OPCML: variants seen among roughly 807,000 people sequenced by gnomAD.
OPCML encodes opioid-binding protein/cell adhesion molecule.
A neutral mutation model predicts 37.8 loss-of-function variants in OPCML; 13 were observed. The observed-to-expected ratio is 0.34, with a 90% CI of 0.22 to 0.55. The LOEUF is 0.55. OPCML is among the 20% of genes least tolerant of loss of function. The pLI, the probability that OPCML is intolerant of heterozygous loss-of-function variation, is 0.91. For synonymous variants in OPCML, 176 were observed against 168.8 expected (o/e 1.04, Z -0.33); for missense variants, 341 against 435.6 (o/e 0.78, Z 1.93).
At chr11:132,585,507 T>C (rs2096470722) in intron 3 of OPCML, among the ~76,000 whole-genome samples, 1 of 152,194 alleles carries the variant, frequency 6.6e-6, no homozygotes. Flanking sequence ...TTCTCTGGCC[T>C]ATCATGGCCT....
intron 1 of OPCML, chr11:133,422,854 A>T (rs1264622942): frequency 1.1e-6 from 1 of 934,220 alleles, no homozygotes; most frequent in Non-Finnish European, 1.3e-6. Context: ...TAAAATCCTG[A>T]TTCTACACAT....
intron 1 of OPCML, among the ~76,000 whole-genome samples, chr11:133,160,700 G>A (rs4937751): frequency 0.28 from 42,051 of 152,152 alleles, 5,872 homozygotes; most frequent in South Asian, 0.34. Flanking sequence ...TCTGTGGACT[G>A]AGAGCCTGGT....
chr11:132,653,445 C>A lies in OPCML; in HGVS notation c.379+3642G>T, dbSNP rs531065346. ...GCGGGGCTGCCAGGCTGATTTTCCC[C>A]CCAACTAATCCGACCCCACAGCTGA... On this transcript the variant is annotated intron_variant, in intron 3 of 7. Coordinates refer to ENST00000524381, the MANE Select transcript of OPCML (RefSeq NM_001012393.5). Among the ~76,000 whole-genome samples the A allele has an allele frequency of 3.3e-5, 5 of 152,214 alleles. No individual in the cohort carries two copies. In the South Asian group the frequency reaches 1.0e-3, roughly 32 times the overall value.
chr11:132,511,822 C>T (rs34217024), intron 4 of OPCML, among the ~76,000 whole-genome samples: 33,126 of 151,756 alleles, frequency 0.22, 3,710 homozygotes, highest in Admixed American at 0.27. Flanking sequence ...TAGAATATAA[C>T]GTTTTTAACC....
At chr11:133,204,909 T>TATATATATAC (rs1350609719) in intron 1 of OPCML, among the ~76,000 whole-genome samples, 30 of 130,680 alleles carry the variant, frequency 2.3e-4, no homozygotes, top group Non-Finnish European at 4.0e-4. Context: ...TATATATATA[T>TATATATATAC]ACATACACAT....
chr11:132,692,230 A>C (rs3862599), intron 2 of OPCML, among the ~76,000 whole-genome samples: 71,324 of 147,452 alleles, frequency 0.48, 17,025 homozygotes, highest in Admixed American at 0.56. Context: ...GTGATGCTAC[A>C]GGAAAAAAAA....
chr11:133,480,315 C>T (rs1385440813), intron 1 of OPCML, among the ~76,000 whole-genome samples: 9 of 152,168 alleles, frequency 5.9e-5, no homozygotes, highest in Admixed American at 4.6e-4. Context: ...AACTGTGGTC[C>T]GGAGGGTTGC....
chr11:133,289,594 C>CAA (rs1229577687), intron 1 of OPCML, among the ~76,000 whole-genome samples: 155 of 51,746 alleles, frequency 3.0e-3, no homozygotes, highest in Middle Eastern at 8.1e-3. Flanking sequence ...GACTCCATCT[C>CAA]AAAAAAAAAA....
chr11:132,488,027 C>T (rs2096205281), intron 4 of OPCML, among the ~76,000 whole-genome samples: 1 of 152,216 alleles, frequency 6.6e-6, no homozygotes, highest in Admixed American at 6.5e-5. Context: ...CCTACCTTTG[C>T]AGCCACAGCT....
At chr11:132,689,355 A>C (rs1943309547) in intron 2 of OPCML, among the ~76,000 whole-genome samples, 1 of 152,234 alleles carries the variant, frequency 6.6e-6, no homozygotes, top group Non-Finnish European at 1.5e-5. Context: ...GATGACTGAC[A>C]GTTCAAATTT....
intron 1 of OPCML, among the ~76,000 whole-genome samples, chr11:133,129,055 T>C (rs905430099): frequency 3.6e-4 from 55 of 152,236 alleles, no homozygotes; most frequent in African/African-American, 1.3e-3. Flanking sequence ...TGACAACTCA[T>C]TGCCTTAAGA....
intron 1 of OPCML, among the ~76,000 whole-genome samples, chr11:133,409,629 T>C (rs376838332): frequency 1.1e-4 from 17 of 152,324 alleles, no homozygotes; most frequent in African/African-American, 3.8e-4. Context: ...AATTCATAGC[T>C]GATGAAACTG....
At chr11:133,167,396 C>G (rs540172146) in intron 1 of OPCML, among the ~76,000 whole-genome samples, 1 of 152,152 alleles carries the variant, frequency 6.6e-6, no homozygotes, top group South Asian at 2.1e-4. Context: ...ATTTTCTTGC[C>G]GAACTCCATT....
chr11:132,627,497 G>A (rs573851069), intron 3 of OPCML, among the ~76,000 whole-genome samples: 1 of 152,218 alleles, frequency 6.6e-6, no homozygotes, highest in African/African-American at 2.4e-5. Flanking sequence ...TTTACACTAT[G>A]GTGGTGGAGA....
At chr11:133,405,194 C>A (rs1474539349) in intron 1 of OPCML, among the ~76,000 whole-genome samples, 1 of 152,144 alleles carries the variant, frequency 6.6e-6, no homozygotes, top group African/African-American at 2.4e-5. Flanking sequence ...TGGTCACCAC[C>A]CCCAGGAGAA....
At chr11:132,876,554 C>G (rs560563004) in intron 2 of OPCML, among the ~76,000 whole-genome samples, 25 of 152,310 alleles carry the variant, frequency 1.6e-4, no homozygotes, top group African/African-American at 5.8e-4. Context: ...CTCATGCTTA[C>G]AGTACTTCTT....
intron 2 of OPCML, among the ~76,000 whole-genome samples, chr11:132,907,116 T>C (rs1411821544): frequency 6.6e-6 from 1 of 152,170 alleles, no homozygotes; most frequent in East Asian, 1.9e-4. Flanking sequence ...AGAATTGCCA[T>C]CCATTTTTAC....
chr11:133,125,881 GTATATAGTATATACACATGTATA>G (rs1195317052), intron 1 of OPCML, among the ~76,000 whole-genome samples: 6 of 117,468 alleles, frequency 5.1e-5, no homozygotes, highest in Non-Finnish European at 7.2e-5. Context: ...ATAGACACAT[GTATATAGTATATACACATGTATA>G]TATAGACACA....
intron 1 of OPCML, among the ~76,000 whole-genome samples, chr11:133,140,645 AGAGG>A: frequency 7.2e-6 from 1 of 139,734 alleles, no homozygotes; most frequent in East Asian, 2.1e-4. Context: ...AAGAGGAGGA[AGAGG>A]AAGAGGAAGA....
Sources: gnomAD v4.1 joint callset for allele counts (sites outside exome capture counted in the v4.1 genomes callset) on GRCh38, gnomAD v4.1.1 for gene constraint, MANE v1.5 for transcripts, NCBI Gene and HGNC (gene_info 2026-07-23, HGNC 2026-07-21) for gene names.